PSG8: variants seen among roughly 807,000 people sequenced by gnomAD.
PSG8 encodes pregnancy-specific beta-1-glycoprotein 8.
PSG8 carries 57 observed loss-of-function variants against 42.5 expected under a neutral mutation model. That is an observed-to-expected ratio of 1.34 (90% confidence interval 1.08 to 1.67). PSG8 has a LOEUF of 1.67. Ranked by LOEUF, PSG8 falls within the 40% of genes most tolerant of loss-of-function variation. PSG8 has a pLI of 0.00. For synonymous variants in PSG8, 280 were observed against 196.8 expected (o/e 1.42, Z -3.54); for missense variants, 783 against 518.6 (o/e 1.51, Z -4.95).
chr19:42,756,407 T>A (rs1969927780), intron 3 of PSG8, among the ~76,000 whole-genome samples: 1 of 152,162 alleles, frequency 6.6e-6, no homozygotes, highest in Non-Finnish European at 1.5e-5. Flanking sequence ...TGCCTATAGT[T>A]CACACAAATT....
chr19:42,758,436 T>A (rs1194358532), intron 2 of PSG8, among the ~76,000 whole-genome samples, 156 bp from the exon 3 acceptor site: 1 of 152,092 alleles, frequency 6.6e-6, no homozygotes, highest in African/African-American at 2.4e-5. Flanking sequence ...TGCAGGGCAA[T>A]CTGAGGGCTC....
At chr19:42,754,183 A>T, downstream of PSG8, 1 of 1,523,396 alleles carries the variant, frequency 6.6e-7, no homozygotes, top group Admixed American at 2.2e-5. Flanking sequence ...AAGTTCTTAG[A>T]CAAATTTGGA....
chr19:42,764,222 G>T lies in PSG8; in HGVS notation c.124C>A (p.Pro42Thr), dbSNP rs2122286020. The T allele has an allele frequency of 1.2e-6, 2 of 1,613,790 alleles. No homozygotes were observed. The highest frequency in any genetic ancestry group is 8.5e-7 in the Non-Finnish European group (1 of 1,179,840). ...TCCTTCCCCTCAGAAACTTTGGTTG[G>T]CTGGGCTTCAATCGTGACTTGGGCA... Reference protein sequence around the residue: ...TTAQVTIEAQPTKVSEGKDVL... With the variant: ...TTAQVTIEAQTTKVSEGKDVL... The change falls in exon 2 of 5, where the codon CCA becomes ACA. Residue 42 changes from proline to threonine, a missense_variant. Pro to Thr is a conservative substitution (Grantham distance 38). Transcript: ENST00000306511.
intron 4 of PSG8, 171 bp downstream of exon 4, chr19:42,754,817 G>C: frequency 1.4e-6 from 2 of 1,469,280 alleles, no homozygotes; most frequent in Non-Finnish European, 1.8e-6. Context: ...TTATACTCTT[G>C]GTTAAGGCTG....
At chr19:42,754,198 T>G (rs1293731832), downstream of PSG8, 1 of 1,560,368 alleles carries the variant, frequency 6.4e-7, no homozygotes, top group African/African-American at 1.4e-5. Context: ...TTTGGAGGGT[T>G]TAGGAGGAGA....
intron 1 of PSG8, 112 bp from the exon 2 acceptor site, chr19:42,764,393 C>T (rs1472981339): frequency 4.1e-6 from 6 of 1,477,240 alleles, no homozygotes; most frequent in African/African-American, 2.8e-5. Context: ...AAGACACAGA[C>T]ACACACACAT....
chr19:42,757,895 G>A lies in PSG8; in HGVS notation c.709+107C>T, dbSNP rs1969967060. ...AGTCATGGCCAGGTTTGATGTCCAG[G>A]GGTAAAGGTCTCTGTACTTGGACCT... On this transcript the variant is annotated intron_variant, in intron 3 of 4. Transcript: ENST00000306511. 3.1e-6 allele frequency: 5 copies of A among 1,611,324 alleles called. No individual in the cohort carries two copies. In the African/African-American group the frequency reaches 5.3e-5, roughly 17 times the overall value.
intron 2 of PSG8, among the ~76,000 whole-genome samples, chr19:42,763,405 A>T (rs1198603476): frequency 6.6e-6 from 1 of 152,164 alleles, no homozygotes; most frequent in Non-Finnish European, 1.5e-5. Flanking sequence ...TCCAGGAGAC[A>T]CAGTCCTCTG....
intron 2 of PSG8, among the ~76,000 whole-genome samples, chr19:42,762,561 T>C (rs1970104302): frequency 6.6e-6 from 1 of 152,068 alleles, no homozygotes; most frequent in African/African-American, 2.4e-5. Context: ...TGAGAGCTCC[T>C]GAGTGTGTGT....
At chr19:42,761,045 C>T (rs1970060363) in intron 2 of PSG8, among the ~76,000 whole-genome samples, 1 of 152,034 alleles carries the variant, frequency 6.6e-6, no homozygotes, top group Non-Finnish European at 1.5e-5. Flanking sequence ...AGGATGGAGT[C>T]ATGGGCGAAA....
chr19:42,761,475 T>G (rs1334138590), intron 2 of PSG8, among the ~76,000 whole-genome samples: 1 of 152,196 alleles, frequency 6.6e-6, no homozygotes, highest in African/African-American at 2.4e-5. Context: ...ACATCACTAT[T>G]GTAGAACGTG....
intron 2 of PSG8, chr19:42,758,591 G>A (rs1030264004): frequency 4.2e-5 from 19 of 457,470 alleles, no homozygotes; most frequent in African/African-American, 3.3e-4. Flanking sequence ...CCAACTGCCT[G>A]CCTGGCCCAC....
chr19:42,754,173 A>G (rs920709040), downstream of PSG8: 12 of 1,510,844 alleles, frequency 7.9e-6, no homozygotes, highest in Non-Finnish European at 1.1e-5. Flanking sequence ...AAAGTTTTCA[A>G]AGTTCTTAGA....
In PSG8 at chr19:42,765,533, C is replaced by G; in HGVS notation, c.49G>C (p.Gly17Arg). Reference sequence around the variant, plus strand: ...CTCTCCTCACCTGTGAGCAGGAGCCCCTTCCAGGTGATGCGCTGTGTGCAG... The same window carrying G: ...CTCTCCTCACCTGTGAGCAGGAGCCGCTTCCAGGTGATGCGCTGTGTGCAG... ...PPCTQRITWK[G>R]LLLTASLLNF... Residue 17 changes from glycine to arginine, a missense_variant, in exon 1 of 5, where the codon GGG becomes CGG. By Grantham distance (125) the Gly-to-Arg change is moderately radical. Transcript: ENST00000306511. 2 of 1,611,340 alleles carry G rather than the reference C, an allele frequency of 1.2e-6. No individual in the cohort carries two copies. Among genetic ancestry groups the G allele is most frequent in the Non-Finnish European group, 1.7e-6 (2 of 1,178,208 alleles).
rs775456119 is a variant in PSG8 at position 42,754,442 on chromosome 19, C to G, written c.1134G>C (p.Lys378Asn). ...TTGTAGTAATTTGGGGGATAAAGAG[C>G]TTTTGTCCTGATAGCTGAAACTTCC... ...INGKFQLSGQ[K>N]LFIPQITTKH... is the part of the protein sequence containing the mutation. Residue 378 changes from lysine to asparagine, a missense_variant, in exon 5 of 5, where the codon AAG (lysine) becomes AAC (asparagine). Lys to Asn is a moderately conservative substitution (Grantham distance 94, BLOSUM62 0). Transcript: ENST00000306511. The G allele has an allele frequency of 9.9e-6, 16 of 1,613,894 alleles. No individual in the cohort carries two copies. The highest frequency in any genetic ancestry group is 1.3e-5 in the Non-Finnish European group (15 of 1,179,844).
At chr19:42,755,411 A>T in intron 3 of PSG8, 145 bp from the exon 4 acceptor site, 1 of 1,439,126 alleles carries the variant, frequency 6.9e-7, no homozygotes. Flanking sequence ...CACAAGACAG[A>T]TGCATGATGA....
rs372958378 is a variant in PSG8 at position 42,763,921 on chromosome 19, A to G, written c.425T>C (p.Leu142Ser). 1 of 1,613,682 alleles carries G rather than the reference A, an allele frequency of 6.2e-7. No individual in the cohort carries two copies. ...RGVTGHFTFT[L>S]YLETPKPSIS... ...GATCATGTGGAATCACTCACGATATAAGGTGAAGGTGAAATGTCCAGTTAC... is the reference window on the plus strand; with the variant it reads ...GATCATGTGGAATCACTCACGATATGAGGTGAAGGTGAAATGTCCAGTTAC... The change falls in exon 2 of 5, where the codon TTA becomes TCA. Residue 142 changes from leucine (L) to serine (S), a missense_variant. Leu to Ser is a moderately radical substitution (Grantham distance 145). Coordinates refer to ENST00000306511, the MANE Select transcript of PSG8 (RefSeq NM_182707.3).
In PSG8 at chr19:42,758,413, G is replaced by A. The variant is rs984881411; in HGVS notation, c.431-133C>T. ...TTAAAAGCCCATGGCAGGTGTGTGT[G>A]TTGCAAGACAGATGCAGGGCAATCT... On this transcript the variant is annotated intron_variant, in intron 2 of 4. Coordinates refer to ENST00000306511, the MANE Select transcript of PSG8 (RefSeq NM_182707.3). 50 of 1,509,102 alleles carry A rather than the reference G, an allele frequency of 3.3e-5. 1 individual carries two copies. In the Admixed American group the frequency reaches 5.9e-4, roughly 18 times the overall value. 93.5% of individuals were successfully genotyped at this position (1,509,102 alleles called of 1,614,324 possible). A position where few individuals can be genotyped will look rare whatever the true frequency, so the allele number is the denominator to read the frequency against.
In PSG8 at chr19:42,754,860, A is replaced by T. The variant is rs186529687; in HGVS notation, c.988+128T>A. 4.6e-3 allele frequency: 7,064 copies of T among 1,538,024 alleles called. 57 individuals are homozygous for T. The highest frequency in any genetic ancestry group is 5.6e-3 in the Non-Finnish European group (6,463 of 1,145,454). ...CCAGGTTTTCCCAGGGCAGGGAGTCATGGCCAGCTCGGATGTCCAGAAGTG... is the reference window on the plus strand; with the variant it reads ...CCAGGTTTTCCCAGGGCAGGGAGTCTTGGCCAGCTCGGATGTCCAGAAGTG... On this transcript the variant is annotated intron_variant, in intron 4 of 4. Coordinates refer to ENST00000306511, the MANE Select transcript of PSG8 (RefSeq NM_182707.3).
Sources: gnomAD v4.1 joint callset for allele counts (sites outside exome capture counted in the v4.1 genomes callset) on GRCh38, gnomAD v4.1.1 for gene constraint, MANE v1.5 for transcripts, NCBI Gene and HGNC (gene_info 2026-07-23, HGNC 2026-07-21) for gene names.